PKHD1: variants seen among roughly 807,000 people sequenced by gnomAD.
PKHD1 encodes the protein PKHD1 ciliary IPT domain containing fibrocystin/polyductin.
A neutral mutation model predicts 412.0 loss-of-function variants in PKHD1; 291 were observed. The observed-to-expected ratio is 0.71, with a 90% CI of 0.64 to 0.78. PKHD1 has a LOEUF of 0.78. PKHD1 is among the 30% of genes least tolerant of loss of function. The pLI, the probability that PKHD1 is intolerant of heterozygous loss-of-function variation, is 0.00. For missense variants in PKHD1, 4,825 were observed against 4,950.7 expected (o/e 0.97, Z 0.76); for synonymous variants, 1,777 against 1,821.5 (o/e 0.98, Z 0.62).
intron 46 of PKHD1, among the ~76,000 whole-genome samples, chr6:51,882,823 AT>A (rs1377955453): frequency 8.5e-5 from 13 of 152,222 alleles, no homozygotes; most frequent in African/African-American, 3.1e-4. Context: ...ATGAGTAATA[AT>A]TCTAAATTGC....
chr6:52,063,366 A>G (rs1284993690), intron 13 of PKHD1, among the ~76,000 whole-genome samples: 3 of 152,198 alleles, frequency 2.0e-5, no homozygotes, highest in Non-Finnish European at 4.4e-5. Context: ...TCATTTTCTC[A>G]TGCATCAAAA....
In PKHD1 at chr6:52,046,170, G is replaced by T. The variant is rs776653459; in HGVS notation, c.2426C>A (p.Ser809Tyr). The change falls in exon 24 of 67, where the codon TCT becomes TAT. Residue 809 changes from serine (S) to tyrosine (Y), a missense_variant. Ser to Tyr is a moderately radical substitution (Grantham distance 144). Coordinates refer to ENST00000371117, the MANE Select transcript of PKHD1 (RefSeq NM_138694.4). ...TAAGAGCTGGTGAAGGTGATGAGCA[G>T]AAATTTGTACAGGGACATCTGTGAG... Reference protein sequence around the residue: ...TVISDVPVQISAHHLHQLLQN... With the variant: ...TVISDVPVQIYAHHLHQLLQN... The T allele has an allele frequency of 4.3e-6, 7 of 1,613,194 alleles. No homozygotes were observed. In the South Asian group the frequency reaches 7.7e-5, roughly 18 times the overall value.
At chr6:51,763,928 T>C (rs2151077645) in intron 55 of PKHD1, among the ~76,000 whole-genome samples, 1 of 150,692 alleles carries the variant, frequency 6.6e-6, no homozygotes, top group Admixed American at 6.7e-5. Context: ...CACAATGCTC[T>C]TAGGGTAAAA....
At chr6:52,058,725 T>C in intron 15 of PKHD1, 124 bp from the exon 16 acceptor site, 1 of 897,266 alleles carries the variant, frequency 1.1e-6, no homozygotes, top group South Asian at 1.4e-5. Context: ...TTTTAACATA[T>C]TAACCCAGTT....
At chr6:52,080,623 C>CT (rs1811895152) in intron 4 of PKHD1, among the ~76,000 whole-genome samples, 1 of 152,180 alleles carries the variant, frequency 6.6e-6, no homozygotes, top group Admixed American at 6.5e-5. Flanking sequence ...CCAACAAAAT[C>CT]TTTAGTATGA....
intron 36 of PKHD1, among the ~76,000 whole-genome samples, chr6:51,957,011 G>A (rs1299200659): frequency 6.6e-6 from 1 of 151,976 alleles, no homozygotes; most frequent in Non-Finnish European, 1.5e-5. Context: ...AACTGCTGGG[G>A]GTTTACTTTA....
intron 37 of PKHD1, among the ~76,000 whole-genome samples, chr6:51,925,791 T>TTTTTA (rs777607519): frequency 2.6e-3 from 395 of 152,202 alleles, no homozygotes; most frequent in Middle Eastern, 6.8e-3. Context: ...TCTCTCTCCC[T>TTTTTA]TCCTCTCTCT....
chr6:51,635,710 T>C (rs892019047), intron 64 of PKHD1, among the ~76,000 whole-genome samples: 2 of 151,622 alleles, frequency 1.3e-5, no homozygotes, highest in African/African-American at 4.9e-5. Flanking sequence ...GACTGAGTGA[T>C]CCAAAAGAGT....
At chr6:51,995,786 T>C (rs958868172) in intron 35 of PKHD1, among the ~76,000 whole-genome samples, 1 of 152,242 alleles carries the variant, frequency 6.6e-6, no homozygotes, top group Non-Finnish European at 1.5e-5. Flanking sequence ...TTGTATTTTA[T>C]TTCTCTGTAG....
intron 50 of PKHD1, among the ~76,000 whole-genome samples, chr6:51,837,510 C>T (rs898301301): frequency 1.3e-5 from 2 of 152,052 alleles, no homozygotes; most frequent in Non-Finnish European, 2.9e-5. Context: ...AGTTCAAGAC[C>T]AGCCTGGCCA....
In PKHD1 at chr6:52,022,904, T is replaced by G. The variant is rs771738325; in HGVS notation, c.5277A>C (p.Gly1759=). 5.6e-6 allele frequency: 9 copies of G among 1,613,872 alleles called. No individual in the cohort carries two copies. Among genetic ancestry groups the G allele is most frequent in the Admixed American group, 1.7e-5 (1 of 59,976 alleles). ...GGRLVHVFGA[G]FSPGNVSAAV... ...CAGCTGAGACATTCCCTGGAGAAAA[T>G]CCCGCTCCAAACACATGCACCAGCC... The change falls in exon 33 of 67, where the codon GGA becomes GGC. Residue 1759 remains glycine (G), a synonymous_variant. Coordinates refer to ENST00000371117, the MANE Select transcript of PKHD1 (RefSeq NM_138694.4).
At chr6:51,838,095 G>A (rs972650736) in intron 50 of PKHD1, among the ~76,000 whole-genome samples, 7 of 152,096 alleles carry the variant, frequency 4.6e-5, no homozygotes, top group Admixed American at 1.3e-4. Flanking sequence ...TTCTGTTCAC[G>A]TTGATTTGTG....
intron 52 of PKHD1, among the ~76,000 whole-genome samples, chr6:51,802,849 T>A (rs1763147221): frequency 6.6e-6 from 1 of 151,272 alleles, no homozygotes; most frequent in Admixed American, 6.6e-5. Flanking sequence ...ATGAGATTCT[T>A]TAATTTTCCT....
intron 60 of PKHD1, chr6:51,720,885 G>A: frequency 1.9e-6 from 1 of 519,164 alleles, no homozygotes; most frequent in East Asian, 1.5e-4. Flanking sequence ...TACAATACTT[G>A]GCATACAGTA....
At position 51,820,064 on chromosome 6, in the gene PKHD1, G is replaced by A. The variant is rs549632202; in HGVS notation, c.8302+10797C>T. Among the ~76,000 whole-genome samples, 5 of 152,308 alleles carry A rather than the reference G, an allele frequency of 3.3e-5. 1 individual carries two copies. The South Asian group carries it at 1.0e-3, about 32-fold the overall frequency. ...TCAACTGGTCTGGATATCCAAGATA[G>A]ATCACTTACATAGCTGGAAGCTGAG... On this transcript the variant is annotated intron_variant, in intron 52 of 66. Transcript: ENST00000371117.
chr6:51,758,652 AT>A (rs1787468943), intron 55 of PKHD1, among the ~76,000 whole-genome samples: 1 of 152,162 alleles, frequency 6.6e-6, no homozygotes, highest in Non-Finnish European at 1.5e-5. Flanking sequence ...TTGTACCTAA[AT>A]GGAAACCATA....
intron 33 of PKHD1, among the ~76,000 whole-genome samples, chr6:52,018,515 T>C (rs1800884965): frequency 6.6e-6 from 1 of 152,030 alleles, no homozygotes; most frequent in Non-Finnish European, 1.5e-5. Context: ...GGTTGACCAA[T>C]TATTATTATT....
intron 52 of PKHD1, among the ~76,000 whole-genome samples, chr6:51,794,082 T>C (rs1279102653): frequency 6.1e-5 from 9 of 148,242 alleles, no homozygotes; most frequent in African/African-American, 2.3e-4. Context: ...GGAGTCTCAC[T>C]CTGTCGTGCA....
At chr6:52,027,475 T>C (rs372032098) in intron 31 of PKHD1, among the ~76,000 whole-genome samples, 15 of 135,550 alleles carry the variant, frequency 1.1e-4, no homozygotes, top group African/African-American at 4.2e-4. Flanking sequence ...GACATTGCAG[T>C]GAGCCAAGTC....
Sources: allele counts gnomAD v4.1 joint callset (sites outside exome capture counted in the v4.1 genomes callset), GRCh38; gene constraint gnomAD v4.1.1; transcripts MANE v1.5; gene names NCBI Gene and HGNC (gene_info 2026-07-23, HGNC 2026-07-21).